Variants in POU6F2 observed in about 807,000 individuals in gnomAD.
POU6F2 encodes the protein POU class 6 homeobox 2.
POU6F2 carries 31 observed loss-of-function variants against 71.3 expected under a neutral mutation model. The ratio of observed to expected loss-of-function variants is 0.43; its 90% CI spans 0.33 to 0.59. The LOEUF (loss-of-function observed/expected upper bound fraction) is 0.59. POU6F2 is among the 20% of genes least tolerant of loss of function. POU6F2 has a pLI of 0.04. For synonymous variants in POU6F2, 347 were observed against 355.7 expected, an observed-to-expected ratio of 0.98 and a Z score of 0.27; for missense variants, 783 against 856.8, an observed-to-expected ratio of 0.91 and a Z score of 1.07.
chr7:39,013,009 G>C (rs914381752), intron 1 of POU6F2: 1 of 152,096 alleles, frequency 6.6e-6, no homozygotes, highest in African/African-American at 2.4e-5. Context: ...CCCAGAGGTG[G>C]AGCCTACAGA....
At chr7:39,355,256 G>C (rs1278849050) in intron 5 of POU6F2, among the ~76,000 whole-genome samples, 1 of 152,162 alleles carries the variant, frequency 6.6e-6, no homozygotes, top group Non-Finnish European at 1.5e-5. Flanking sequence ...TGGTTTAGTA[G>C]TTTGTAACTA....
chr7:39,381,657 CT>C (rs1332106168), intron 5 of POU6F2, among the ~76,000 whole-genome samples: 1 of 152,194 alleles, frequency 6.6e-6, no homozygotes, highest in Non-Finnish European at 1.5e-5. Context: ...CCAATGAAGT[CT>C]TTTGCTATGA....
At chr7:39,451,774 G>T in intron 8 of POU6F2, 73 bp downstream of exon 8, 1 of 1,456,656 alleles carries the variant, frequency 6.9e-7, no homozygotes, top group Non-Finnish European at 9.4e-7. Flanking sequence ...CTTCCTTCTT[G>T]TCTCTCTCTC....
At chr7:39,215,811 G>T (rs1794230005) in intron 4 of POU6F2, among the ~76,000 whole-genome samples, 1 of 152,216 alleles carries the variant, frequency 6.6e-6, no homozygotes, top group African/African-American at 2.4e-5. Context: ...TGAAGAAAGA[G>T]TGTCCCAGGG....
rs1263641232 is a variant in POU6F2 at position 39,150,462 on chromosome 7, A to ATTTT, written c.278-53754_278-53751dup. Reference sequence around the variant, plus strand: ...TTGTATAACAGCTGTACCAAGCTACATTTTTTTTTTTTTTTTTTTTTTGAG... The same window carrying ATTTT: ...TTGTATAACAGCTGTACCAAGCTACATTTTTTTTTTTTTTTTTTTTTTTTTTGAG... On this transcript the variant is annotated intron_variant, in intron 2 of 9. Coordinates refer to ENST00000518318, the MANE Select transcript of POU6F2 (RefSeq NM_001370959.1). Among the ~76,000 whole-genome samples, 44 of 99,280 alleles carry ATTTT rather than the reference A, an allele frequency of 4.4e-4. 1 individual carries two copies. Among genetic ancestry groups the ATTTT allele is most frequent in the East Asian group, 6.1e-4 (2 of 3,292 alleles). The allele number at this position is 99,280 out of a possible 152,430, so 65.1% of individuals were successfully genotyped here.
At chr7:39,033,463 G>A (rs537485780) in intron 1 of POU6F2, among the ~76,000 whole-genome samples, 1 of 152,298 alleles carries the variant, frequency 6.6e-6, no homozygotes, top group African/African-American at 2.4e-5. Flanking sequence ...AAATATATCA[G>A]AAGTCAAAAG....
chr7:39,110,736 CACTT>C (rs1418986774), intron 2 of POU6F2, among the ~76,000 whole-genome samples: 2 of 152,162 alleles, frequency 1.3e-5, no homozygotes, highest in South Asian at 4.1e-4. Context: ...TCAAGGAAAT[CACTT>C]ACATCATTGA....
At chr7:39,062,720 G>A (rs1206296192) in intron 1 of POU6F2, among the ~76,000 whole-genome samples, 4 of 149,758 alleles carry the variant, frequency 2.7e-5, no homozygotes, top group African/African-American at 9.9e-5. Context: ...GGTCATTGGA[G>A]GGAAACACTC....
At chr7:39,022,239 AT>A (rs1789692490) in intron 1 of POU6F2, among the ~76,000 whole-genome samples, 1 of 151,718 alleles carries the variant, frequency 6.6e-6, no homozygotes, top group Non-Finnish European at 1.5e-5. Flanking sequence ...TCAATTGTTC[AT>A]TTTTCATACT....
At chr7:39,257,066 C>G (rs1038243792) in intron 4 of POU6F2, among the ~76,000 whole-genome samples, 21 of 152,248 alleles carry the variant, frequency 1.4e-4, no homozygotes, top group African/African-American at 5.1e-4. Context: ...TGAGGAACTC[C>G]CGTCAACCCT....
intron 6 of POU6F2, among the ~76,000 whole-genome samples, chr7:39,418,991 A>G (rs1787760362): frequency 7.6e-6 from 1 of 131,756 alleles, no homozygotes; most frequent in African/African-American, 2.9e-5. Context: ...ATATGTGTAT[A>G]TATGTGTATA....
intron 4 of POU6F2, among the ~76,000 whole-genome samples, chr7:39,229,004 C>T (rs1399990563): frequency 6.6e-6 from 1 of 152,150 alleles, no homozygotes; most frequent in Admixed American, 6.5e-5. Flanking sequence ...ACAAGTACAT[C>T]CCTGCTGATC....
chr7:39,435,813 A>C (rs1788227039), intron 7 of POU6F2, among the ~76,000 whole-genome samples: 1 of 152,196 alleles, frequency 6.6e-6, no homozygotes, highest in Non-Finnish European at 1.5e-5. Flanking sequence ...ATAAGGTGTA[A>C]GGAAGGGGTC....
intron 5 of POU6F2, among the ~76,000 whole-genome samples, chr7:39,403,236 G>T (rs1787344975): frequency 6.6e-6 from 1 of 152,186 alleles, no homozygotes; most frequent in Admixed American, 6.5e-5. Context: ...CCAGGGAGGA[G>T]AAAACTGTCT....
In POU6F2 at chr7:39,339,086, A is replaced by ATTT. The variant is rs1328246513; in HGVS notation, c.599-556_599-555insTTT. ...CATGTACTGCTTTTGAATTTTTAAA[A>ATTT]AAAAAAAAAAACAGTTAGAAATTTG... On this transcript the variant is annotated intron_variant, in intron 4 of 9. Transcript: ENST00000518318. Among the ~76,000 whole-genome samples, 53 of 152,048 alleles carry ATTT rather than the reference A, an allele frequency of 3.5e-4. No individual in the cohort carries two copies. In the South Asian group the frequency reaches 8.9e-3, roughly 26 times the overall value.
intron 8 of POU6F2, among the ~76,000 whole-genome samples, chr7:39,453,047 G>A (rs930961341): frequency 2.6e-5 from 4 of 152,288 alleles, no homozygotes; most frequent in Non-Finnish European, 4.4e-5. Flanking sequence ...AGCTGAGATC[G>A]CACCATTGCA....
intron 6 of POU6F2, among the ~76,000 whole-genome samples, chr7:39,421,327 G>A (rs1203633859): frequency 6.6e-6 from 1 of 152,100 alleles, no homozygotes; most frequent in Admixed American, 6.6e-5. Flanking sequence ...GATAAATATT[G>A]CATGCAAGTA....
Position 39,464,149 on chromosome 7 carries a change from G to GT in POU6F2, c.1659-32dup, listed in dbSNP as rs1212870683. 1 of 1,604,158 alleles carries GT rather than the reference G, an allele frequency of 6.2e-7. No individual in the cohort carries two copies. The highest frequency in any genetic ancestry group is 8.5e-7 in the Non-Finnish European group (1 of 1,174,958). ...GGCCCACCCTGGCAGAGGACTCAGTGTAAGACTGTTCTTTCTCAATTTTCC... is the reference window on the plus strand; with the variant it reads ...GGCCCACCCTGGCAGAGGACTCAGTGTTAAGACTGTTCTTTCTCAATTTTCC... On this transcript the variant is annotated intron_variant, in intron 9 of 9. Transcript: ENST00000518318. This position sits in a 1 kb window ranked among gnomAD's most constrained non-coding sequence, Gnocchi z 4.1.
chr7:39,357,037 C>T (rs1786275927), intron 5 of POU6F2, among the ~76,000 whole-genome samples: 1 of 152,140 alleles, frequency 6.6e-6, no homozygotes. Context: ...GGCAAAGAAG[C>T]AGGTCTTGTT....
Sources: gnomAD v4.1 joint callset for allele counts (sites outside exome capture counted in the v4.1 genomes callset) on GRCh38, gnomAD v4.1.1 for gene constraint, Gnocchi (gnomAD v3.1) non-coding constraint, MANE v1.5 for transcripts, NCBI Gene and HGNC (gene_info 2026-07-23, HGNC 2026-07-21) for gene names.